Variants in TRNT1 observed in about 807,000 individuals in gnomAD.
TRNT1 encodes CCA tRNA nucleotidyltransferase 1, mitochondrial.
TRNT1 carries 44 observed loss-of-function variants against 45.6 expected under a neutral mutation model. The observed-to-expected ratio is 0.97, with a 90% CI of 0.76 to 1.24. The LOEUF is 1.24. TRNT1 is among the 50% of genes most tolerant of loss of function. TRNT1 has a pLI of 0.00. For missense variants in TRNT1, 633 were observed against 504.4 expected (o/e 1.25, Z -2.44); for synonymous variants, 201 against 171.4 (o/e 1.17, Z -1.35).
intron 1 of TRNT1, among the ~76,000 whole-genome samples, chr3:3,128,744 A>G (rs1192855105): frequency 6.7e-6 from 1 of 149,928 alleles, no homozygotes; most frequent in African/African-American, 2.5e-5. Flanking sequence ...AGCTTTTAAT[A>G]TGTAACTCAA....
At chr3:3,131,585 A>G (rs1705020338) in intron 2 of TRNT1, 1 of 146,196 alleles carries the variant, frequency 6.8e-6, no homozygotes, top group South Asian at 2.3e-4. Context: ...ACCCTAGAAG[A>G]AAACCTAGGC....
chr3:3,144,861 A>G (rs1392864276), intron 5 of TRNT1, 151 bp downstream of exon 5: 10 of 605,802 alleles, frequency 1.7e-5, no homozygotes, highest in Non-Finnish European at 2.4e-5. Context: ...ATGACTTATG[A>G]GTGAAAATTA....
At chr3:3,142,170 T>C (rs62228619) in intron 4 of TRNT1, among the ~76,000 whole-genome samples, 5,996 of 152,232 alleles carry the variant, frequency 0.039, 237 homozygotes, top group African/African-American at 0.11. Flanking sequence ...TAGTGCAATA[T>C]AGAGTCTTGT....
intron 3 of TRNT1, among the ~76,000 whole-genome samples, chr3:3,139,237 T>G (rs977107275): frequency 1.3e-5 from 2 of 152,326 alleles, no homozygotes; most frequent in African/African-American, 4.8e-5. Flanking sequence ...GTCTGATTAT[T>G]TCTTAAAATG....
intron 4 of TRNT1, 37 bp downstream of exon 4, chr3:3,140,685 C>T: frequency 3.1e-6 from 5 of 1,594,812 alleles, no homozygotes; most frequent in Non-Finnish European, 4.3e-6. Flanking sequence ...GTGAGTCTAT[C>T]AGAATGCCTT....
chr3:3,148,360 T>C lies in TRNT1; in HGVS notation c.*206T>C, dbSNP rs1333786528. 7.9e-6 allele frequency: 4 copies of C among 505,130 alleles called. No individual in the cohort carries two copies. Among genetic ancestry groups the C allele is most frequent in the East Asian group, 7.0e-5 (2 of 28,764 alleles). The allele number at this position is 505,130 out of a possible 1,614,324, so 31.3% of individuals were successfully genotyped here. On this transcript the variant is annotated 3_prime_UTR_variant, in exon 8 of 8. Coordinates refer to ENST00000251607, the MANE Select transcript of TRNT1 (RefSeq NM_182916.3). ...GGATCTGATTTATATCACTGAAATG[T>C]ACAGTTCTTTTGGAATAGTTTCACC...
chr3:3,150,927 A>G, downstream of TRNT1: 1 of 1,614,044 alleles, frequency 6.2e-7, no homozygotes, highest in African/African-American at 1.3e-5. Flanking sequence ...ATCGTGGGCA[A>G]CAGAGCAGAT....
downstream of TRNT1, chr3:3,152,478 T>C (rs149959242): frequency 6.2e-7 from 1 of 1,613,890 alleles, no homozygotes; most frequent in Non-Finnish European, 8.5e-7. Context: ...CTGTGTTCTG[T>C]AGAAGGCCGG....
rs1705384658 is a variant in TRNT1, at chr3:3,137,276, G to C, written c.165G>C (p.Glu55Asp). 1 of 1,591,262 alleles carries C rather than the reference G, an allele frequency of 6.3e-7. No homozygotes were observed. The highest frequency in any genetic ancestry group is 1.4e-5 in the African/African-American group (1 of 73,670). ...TCATCTCAGAATTATTTGTCAAAGA[G>C]AATCACGAATTAAGAATAGCAGGAG... ...LKSLTELFVK[E>D]NHELRIAGGA... The change falls in exon 3 of 8, where the codon GAG becomes GAC. Residue 55 changes from glutamate to aspartate, a missense_variant. Transcript: ENST00000251607.
downstream of TRNT1, chr3:3,153,364 T>C (rs1706719929): frequency 1.0e-6 from 1 of 972,716 alleles, no homozygotes; most frequent in African/African-American, 1.6e-5. Flanking sequence ...AAAACAGAAA[T>C]ACAGTCTTCA....
rs547122577 is a variant in TRNT1 at position 3,136,421 on chromosome 3, A to G, written c.149-839A>G. Among the ~76,000 whole-genome samples the G allele has an allele frequency of 2.4e-3, 369 of 152,350 alleles. 2 individuals are homozygous for G. Among genetic ancestry groups the G allele is most frequent in the South Asian group, 0.011 (53 of 4,830 alleles). ...GTTCAGTGTTCAAATGGTTCTACCT[A>G]GAGCACAGATAGGAGTTGATTTTAG... On this transcript the variant is annotated intron_variant, in intron 2 of 7. Coordinates refer to ENST00000251607, the MANE Select transcript of TRNT1 (RefSeq NM_182916.3).
chr3:3,147,400 G>A, intron 6 of TRNT1, 50 bp from the exon 7 acceptor site: 1 of 1,596,188 alleles, frequency 6.3e-7, no homozygotes. Context: ...GGATATGAGT[G>A]GTTTTTTATC....
chr3:3,141,255 G>A (rs1705632378), intron 4 of TRNT1, among the ~76,000 whole-genome samples: 1 of 152,182 alleles, frequency 6.6e-6, no homozygotes, highest in African/African-American at 2.4e-5. Flanking sequence ...CTCAGTCAGT[G>A]CTAACTTCTT....
downstream of TRNT1, among the ~76,000 whole-genome samples, chr3:3,152,170 A>AGAC (rs764919339): frequency 7.9e-4 from 118 of 150,062 alleles, 2 homozygotes; most frequent in Non-Finnish European, 1.1e-3. Flanking sequence ...TTTTTTAAAT[A>AGAC]GACAGATTCT....
intron 4 of TRNT1, among the ~76,000 whole-genome samples, chr3:3,140,911 T>A (rs1335381249): frequency 6.6e-6 from 1 of 152,130 alleles, no homozygotes; most frequent in African/African-American, 2.4e-5. Flanking sequence ...TGAAACCCCA[T>A]CTCTACTAAA....
chr3:3,147,165 TAGAA>T (rs1352833021), intron 6 of TRNT1, among the ~76,000 whole-genome samples: 1 of 152,116 alleles, frequency 6.6e-6, no homozygotes, highest in Non-Finnish European at 1.5e-5. Flanking sequence ...AATTTGTGAT[TAGAA>T]AGAGTATGCC....
intron 2 of TRNT1, chr3:3,129,815 T>A (rs1704887087): frequency 6.7e-7 from 1 of 1,499,330 alleles, no homozygotes. Context: ...GTGAAGTGCT[T>A]TGCCTGTGTT....
At chr3:3,139,027 C>G (rs1705488198) in intron 3 of TRNT1, among the ~76,000 whole-genome samples, 1 of 152,110 alleles carries the variant, frequency 6.6e-6, no homozygotes, top group Non-Finnish European at 1.5e-5. Context: ...GGGAATGAAC[C>G]TGATTGTTAG....
chr3:3,142,992 G>A (rs1480004159), intron 4 of TRNT1, among the ~76,000 whole-genome samples: 1 of 152,154 alleles, frequency 6.6e-6, no homozygotes, highest in African/African-American at 2.4e-5. Flanking sequence ...CATTAAGTGT[G>A]AACTTACCAA....
Sources: allele counts gnomAD v4.1 joint callset (sites outside exome capture counted in the v4.1 genomes callset), GRCh38; gene constraint gnomAD v4.1.1; transcripts MANE v1.5; gene names NCBI Gene and HGNC (gene_info 2026-07-23, HGNC 2026-07-21).